XRRA1: variants seen among roughly 807,000 people sequenced by gnomAD.
XRRA1 encodes X-ray radiation resistance-associated protein 1.
A neutral mutation model predicts 80.2 loss-of-function variants in XRRA1; 69 were observed. That is an observed-to-expected ratio of 0.86 (90% confidence interval 0.71 to 1.05). The LOEUF (loss-of-function observed/expected upper bound fraction) is 1.05. Among genes scored for constraint, XRRA1 ranks in the 50% least tolerant of loss-of-function variants. The pLI is 0.00. For synonymous variants in XRRA1, 348 were observed against 389.9 expected, an observed-to-expected ratio of 0.89 and a Z score of 1.27; for missense variants, 967 against 976.4, an observed-to-expected ratio of 0.99 and a Z score of 0.13.
At chr11:74,909,510 A>G (rs2055384513) in intron 8 of XRRA1, among the ~76,000 whole-genome samples, 1 of 152,228 alleles carries the variant, frequency 6.6e-6, no homozygotes, top group Admixed American at 6.5e-5. Flanking sequence ...GACAAGTTAC[A>G]CTACTTCGTC....
rs375283489 is a variant in XRRA1 at position 74,933,423 on chromosome 11, A to AT, written c.351+377dup. ...AGGTGCCTGCTACCATGCTTGGCTG[A>AT]TTTTTTGTATTTTTAGTAGAGATGG... On this transcript the variant is annotated intron_variant, in intron 5 of 18. Coordinates refer to ENST00000684022, the MANE Select transcript of XRRA1 (RefSeq NM_001378157.1). 1,334 of 165,040 alleles carry AT rather than the reference A, an allele frequency of 8.1e-3. 29 individuals carry two copies. The highest frequency in any genetic ancestry group is 0.03 in the African/African-American group (1,274 of 41,914). 10.2% of individuals were successfully genotyped at this position (165,040 alleles called of 1,614,324 possible).
At chr11:74,883,075 C>G (rs2048090047) in intron 10 of XRRA1, among the ~76,000 whole-genome samples, 1 of 152,228 alleles carries the variant, frequency 6.6e-6, no homozygotes, top group African/African-American at 2.4e-5. Flanking sequence ...TTTACCTAAT[C>G]AAGCCTGGGC....
At chr11:74,905,968 A>G (rs2138137769) in intron 10 of XRRA1, among the ~76,000 whole-genome samples, 1 of 152,344 alleles carries the variant, frequency 6.6e-6, no homozygotes, top group Admixed American at 6.5e-5. Context: ...ATAATAGTAT[A>G]TAAACTTTCC....
At chr11:74,937,276 G>T (rs1945226425) in intron 3 of XRRA1, among the ~76,000 whole-genome samples, 1 of 152,114 alleles carries the variant, frequency 6.6e-6, no homozygotes, top group East Asian at 1.9e-4. Flanking sequence ...ACATGTCACT[G>T]TCATGATTTT....
chr11:74,854,005 G>C (rs77636224), intron 12 of XRRA1, among the ~76,000 whole-genome samples: 3,283 of 152,210 alleles, frequency 0.022, 117 homozygotes, highest in African/African-American at 0.075. Context: ...CGGAGGATGG[G>C]GAGGTACAAG....
intron 8 of XRRA1, among the ~76,000 whole-genome samples, chr11:74,907,614 A>G (rs186136181): frequency 1.2e-4 from 18 of 152,302 alleles, no homozygotes; most frequent in Admixed American, 3.9e-4. Flanking sequence ...AGCATTCTGC[A>G]GATCACTGCA....
At chr11:74,941,373 CA>C (rs1946302831) in intron 2 of XRRA1, among the ~76,000 whole-genome samples, 1 of 152,098 alleles carries the variant, frequency 6.6e-6, no homozygotes, top group Non-Finnish European at 1.5e-5. Flanking sequence ...AAATAGTGTA[CA>C]AATAATGAGA....
intron 10 of XRRA1, among the ~76,000 whole-genome samples, chr11:74,874,259 A>AAAAG (rs1195023668): frequency 6.7e-6 from 1 of 150,316 alleles, no homozygotes; most frequent in Non-Finnish European, 1.5e-5. Context: ...AAAAAAAAAA[A>AAAAG]AAAGAAAGAA....
chr11:74,883,168 G>C (rs988602385), intron 10 of XRRA1, among the ~76,000 whole-genome samples: 1 of 124,504 alleles, frequency 8.0e-6, no homozygotes. Context: ...GTGAGACTCC[G>C]TGGGCGTAGG....
chr11:74,929,143 C>A (rs1942936084), intron 6 of XRRA1, among the ~76,000 whole-genome samples: 1 of 152,200 alleles, frequency 6.6e-6, no homozygotes, highest in African/African-American at 2.4e-5. Flanking sequence ...TGCAACAAAA[C>A]TGAACTTATC....
chr11:74,941,228 T>G (rs1342888776), intron 2 of XRRA1, among the ~76,000 whole-genome samples: 1 of 152,148 alleles, frequency 6.6e-6, no homozygotes, highest in Non-Finnish European at 1.5e-5. Context: ...TTTCCTCACC[T>G]GCAAAATGGG....
In XRRA1 at chr11:74,891,724, A is replaced by G. The variant is rs955877736; in HGVS notation, c.1003+14515T>C. On this transcript the variant is annotated intron_variant, in intron 10 of 18. Transcript: ENST00000684022. Reference sequence around the variant, plus strand: ...AGCAAAGTCTCAGGATACAAAATCAATGTGCAAAAATCACAAGCATTCTTA... The same window carrying G: ...AGCAAAGTCTCAGGATACAAAATCAGTGTGCAAAAATCACAAGCATTCTTA... Among the ~76,000 whole-genome samples the G allele has an allele frequency of 5.9e-5, 9 of 152,338 alleles. 1 individual carries two copies. Among genetic ancestry groups the G allele is most frequent in the African/African-American group, 1.9e-4 (8 of 41,574 alleles).
intron 10 of XRRA1, among the ~76,000 whole-genome samples, chr11:74,865,931 CCA>C (rs367633587): frequency 0.036 from 5,483 of 152,330 alleles, 89 homozygotes; most frequent in Middle Eastern, 0.051. Context: ...TGGGTTTAGA[CCA>C]TCGCTCAGTG....
At chr11:74,893,560 TAAAAATAAATAA>T (rs771535177) in intron 10 of XRRA1, among the ~76,000 whole-genome samples, 3 of 131,546 alleles carry the variant, frequency 2.3e-5, no homozygotes, top group African/African-American at 5.7e-5. Context: ...TAATAAAAAA[TAAAAATAAATAA>T]AAAAATAAAG....
At chr11:74,943,261 A>G (rs1238279044) in intron 2 of XRRA1, among the ~76,000 whole-genome samples, 1 of 152,124 alleles carries the variant, frequency 6.6e-6, no homozygotes, top group Non-Finnish European at 1.5e-5. Flanking sequence ...TTCTGACTCT[A>G]GGGTATGACT....
At chr11:74,889,792 C>G (rs1480147087) in intron 10 of XRRA1, among the ~76,000 whole-genome samples, 1 of 152,032 alleles carries the variant, frequency 6.6e-6, no homozygotes, top group African/African-American at 2.4e-5. Flanking sequence ...CAACAAAGAT[C>G]AAAGGAGACG....
Position 74,843,467 on chromosome 11 carries a change from A to C in XRRA1, c.2150-14T>G. 2 of 1,607,578 alleles carry C rather than the reference A, an allele frequency of 1.2e-6. No individual in the cohort carries two copies. The highest frequency in any genetic ancestry group is 1.7e-6 in the Non-Finnish European group (2 of 1,177,210). ...GCAGGACAGCACCTGCAGGAAAAGA[A>C]GCCAGGAGAGGCACCAAGCTCATCC... On this transcript the variant is annotated splice_polypyrimidine_tract_variant and intron_variant, in intron 18 of 18. Transcript: ENST00000684022.
intron 10 of XRRA1, among the ~76,000 whole-genome samples, chr11:74,883,891 G>A (rs530193065): frequency 2.0e-5 from 3 of 152,262 alleles, no homozygotes; most frequent in South Asian, 2.1e-4. Context: ...TTAACAAAAC[G>A]CAGTACAAGA....
At chr11:74,854,559 A>T (rs888257704) in intron 12 of XRRA1, among the ~76,000 whole-genome samples, 5 of 152,278 alleles carry the variant, frequency 3.3e-5, no homozygotes, top group African/African-American at 1.2e-4. Flanking sequence ...TGAAATCTGA[A>T]TTTCATATAA....
Sources: allele counts gnomAD v4.1 joint callset (sites outside exome capture counted in the v4.1 genomes callset), GRCh38; gene constraint gnomAD v4.1.1; transcripts MANE v1.5; gene names NCBI Gene and HGNC (gene_info 2026-07-23, HGNC 2026-07-21).